Variants in PLD5 observed in about 807,000 individuals in gnomAD.
The protein encoded by PLD5 is inactive phospholipase D5.
PLD5 carries 36 observed loss-of-function variants against 61.1 expected under a neutral mutation model. The observed-to-expected ratio is 0.59, with a 90% CI of 0.45 to 0.78. The LOEUF (loss-of-function observed/expected upper bound fraction) is 0.78. Ranked by LOEUF, PLD5 falls within the 30% of genes least tolerant of loss-of-function variation. PLD5 has a pLI of 0.00. For missense variants in PLD5, 515 were observed against 644.4 expected, an observed-to-expected ratio of 0.80 and a Z score of 2.17; for synonymous variants, 243 against 242.8, an observed-to-expected ratio of 1.00 and a Z score of -0.01.
chr1:242,453,003 C>G (rs973746030), intron 1 of PLD5, among the ~76,000 whole-genome samples: 10 of 152,246 alleles, frequency 6.6e-5, no homozygotes, highest in Middle Eastern at 3.4e-3. Context: ...AGGAAAAAGA[C>G]AAAGGAAAAA....
chr1:242,197,662 C>A (rs1473139139), intron 5 of PLD5, among the ~76,000 whole-genome samples: 1 of 149,564 alleles, frequency 6.7e-6, no homozygotes, highest in Admixed American at 6.7e-5. Flanking sequence ...TGAGACGGAG[C>A]CTTGCTCTGT....
rs1558205053 is a variant in PLD5, at chr1:242,089,375, T to C, written c.*479A>G. The C allele has an allele frequency of 2.5e-6, 1 of 407,836 alleles. No homozygotes were observed. Among genetic ancestry groups the C allele is most frequent in the East Asian group, 3.5e-5 (1 of 28,654 alleles). 25.3% of individuals were successfully genotyped at this position (407,836 alleles called of 1,614,324 possible). On this transcript the variant is annotated 3_prime_UTR_variant, in exon 10 of 10. Coordinates refer to ENST00000536534, the MANE Select transcript of PLD5 (RefSeq NM_001372062.1). The stretch of plus-strand genomic sequence containing the variant: ...GCTGGCATGAGATGTAAGCTATTCA[T>C]GCTTAGCTGACTGTGTAGGTCTTGG...
intron 4 of PLD5, among the ~76,000 whole-genome samples, chr1:242,229,907 T>TTA (rs531911226): frequency 2.8e-5 from 4 of 140,494 alleles, no homozygotes; most frequent in South Asian, 2.3e-4. Flanking sequence ...AAAATATTGA[T>TTA]AAAAAAAAAA....
intron 1 of PLD5, among the ~76,000 whole-genome samples, chr1:242,468,725 A>G (rs920996724): frequency 6.6e-6 from 1 of 151,436 alleles, no homozygotes; most frequent in African/African-American, 2.4e-5. Context: ...ATACACACAC[A>G]TATATATATA....
chr1:242,186,063 C>A (rs1667855835), intron 5 of PLD5, among the ~76,000 whole-genome samples: 1 of 152,092 alleles, frequency 6.6e-6, no homozygotes. Context: ...CATGACGGAT[C>A]ATTCAAGTAT....
chr1:242,116,218 C>A (rs886064477), intron 6 of PLD5, among the ~76,000 whole-genome samples: 3 of 152,130 alleles, frequency 2.0e-5, no homozygotes, highest in Admixed American at 2.0e-4. Flanking sequence ...CCCTACACTG[C>A]ACAGTAGGAG....
intron 5 of PLD5, among the ~76,000 whole-genome samples, chr1:242,129,489 G>A (rs972986779): frequency 2.6e-5 from 4 of 152,074 alleles, no homozygotes; most frequent in South Asian, 2.1e-4. Flanking sequence ...CAGCTTTTTC[G>A]CCCACAGCAA....
chr1:242,169,837 C>T (rs539545529), intron 5 of PLD5, among the ~76,000 whole-genome samples: 24 of 152,278 alleles, frequency 1.6e-4, no homozygotes, highest in African/African-American at 5.5e-4. Context: ...CTGGGTGGAG[C>T]CCACCGCAGC....
chr1:242,505,932 G>C (rs1668705080), intron 1 of PLD5, among the ~76,000 whole-genome samples: 1 of 152,196 alleles, frequency 6.6e-6, no homozygotes, highest in African/African-American at 2.4e-5. Context: ...GTATTAAAGA[G>C]ACTTGAATAA....
intron 5 of PLD5, among the ~76,000 whole-genome samples, chr1:242,171,669 T>C (rs1666757250): frequency 6.8e-6 from 1 of 146,508 alleles, no homozygotes; most frequent in African/African-American, 2.5e-5. Context: ...AAAAACCACA[T>C]AGGCTCAAAA....
chr1:242,088,649 A>C lies in PLD5; in HGVS notation c.*1205T>G, dbSNP rs1352859161. 1 of 152,184 alleles carries C rather than the reference A, an allele frequency of 6.6e-6. No homozygotes were observed. The highest frequency in any genetic ancestry group is 1.5e-5 in the Non-Finnish European group (1 of 68,044). The allele number at this position is 152,184 out of a possible 1,614,324, so 9.4% of individuals were successfully genotyped here. ...TCCCGGCCACCTGCTGTGGGCTCTG[A>C]AGAGGCCATGCCTCTCCCTAGTGTA... On this transcript the variant is annotated 3_prime_UTR_variant, in exon 10 of 10. Transcript: ENST00000536534.
chr1:242,115,252 C>T (rs1053631434), intron 6 of PLD5, among the ~76,000 whole-genome samples: 2 of 152,050 alleles, frequency 1.3e-5, no homozygotes, highest in African/African-American at 4.8e-5. Context: ...TGAAAGCATC[C>T]CTGCTGACCC....
At chr1:242,395,786 A>ACGCCTGGCTC (rs1306169773) in intron 1 of PLD5, among the ~76,000 whole-genome samples, 2 of 152,232 alleles carry the variant, frequency 1.3e-5, no homozygotes, top group Non-Finnish European at 2.9e-5. Flanking sequence ...GCAGTGGCTC[A>ACGCCTGGCTC]CGCCTGTAAT....
intron 2 of PLD5, among the ~76,000 whole-genome samples, chr1:242,331,358 G>C (rs1473437498): frequency 6.6e-6 from 1 of 151,906 alleles, no homozygotes; most frequent in Non-Finnish European, 1.5e-5. Flanking sequence ...TAAGAAACTT[G>C]ACAGTAATGT....
At chr1:242,108,079 C>T (rs1382101327) in intron 7 of PLD5, among the ~76,000 whole-genome samples, 2 of 152,106 alleles carry the variant, frequency 1.3e-5, no homozygotes, top group Non-Finnish European at 2.9e-5. Flanking sequence ...GGTCCTTGGG[C>T]TGTGTGGGCT....
chr1:242,138,056 A>T (rs768801126), intron 5 of PLD5, among the ~76,000 whole-genome samples: 2 of 152,214 alleles, frequency 1.3e-5, no homozygotes, highest in Non-Finnish European at 2.9e-5. Flanking sequence ...ATGTGTGCAT[A>T]CCACGTATAA....
At chr1:242,160,016 AT>A (rs764649649) in intron 5 of PLD5, among the ~76,000 whole-genome samples, 4 of 142,958 alleles carry the variant, frequency 2.8e-5, no homozygotes, top group Middle Eastern at 3.5e-3. Context: ...TTTCCCTTTT[AT>A]TTTTTTTTGA....
At chr1:242,243,856 C>T (rs1032253928) in intron 4 of PLD5, among the ~76,000 whole-genome samples, 3 of 152,280 alleles carry the variant, frequency 2.0e-5, no homozygotes, top group South Asian at 2.1e-4. Flanking sequence ...ATTGGAAACA[C>T]GGTAATATCA....
intron 4 of PLD5, among the ~76,000 whole-genome samples, chr1:242,265,122 C>G (rs182338525): frequency 6.6e-6 from 1 of 152,138 alleles, no homozygotes; most frequent in Admixed American, 6.5e-5. Flanking sequence ...GATTATTTTG[C>G]TTACACTAAT....
Sources: allele counts gnomAD v4.1 joint callset (sites outside exome capture counted in the v4.1 genomes callset), GRCh38; gene constraint gnomAD v4.1.1; transcripts MANE v1.5; gene names NCBI Gene and HGNC (gene_info 2026-07-23, HGNC 2026-07-21).